The following PID1 variants were observed in gnomAD, a reference collection of about 807,000 sequenced individuals.
PID1 encodes the protein phosphotyrosine interaction domain containing 1.
PID1 carries 10 observed loss-of-function variants against 19.1 expected under a neutral mutation model. The ratio of observed to expected loss-of-function variants is 0.52; its 90% confidence interval spans 0.32 to 0.89. PID1 has a LOEUF of 0.89. Among genes scored for constraint, PID1 ranks in the 40% least tolerant of loss-of-function variants. PID1 has a pLI of 0.03. For missense variants in PID1, 248 were observed against 285.3 expected, an observed-to-expected ratio of 0.87 and a Z score of 0.94; for synonymous variants, 130 against 116.0, an observed-to-expected ratio of 1.12 and a Z score of -0.78.
intron 2 of PID1, among the ~76,000 whole-genome samples, chr2:229,052,921 C>G (rs753176607): frequency 5.9e-5 from 9 of 152,176 alleles, no homozygotes; most frequent in Non-Finnish European, 1.3e-4. Context: ...AGCTCCAACA[C>G]TAAAACAAAG....
At chr2:229,157,018 G>C (rs1285135027) in intron 1 of PID1, among the ~76,000 whole-genome samples, 1 of 152,108 alleles carries the variant, frequency 6.6e-6, no homozygotes, top group Non-Finnish European at 1.5e-5. Flanking sequence ...CACCTCATGA[G>C]ACAGCCCTTC....
At chr2:229,040,905 T>C (rs1191089796) in intron 2 of PID1, among the ~76,000 whole-genome samples, 4 of 152,184 alleles carry the variant, frequency 2.6e-5, no homozygotes, top group African/African-American at 9.6e-5. Flanking sequence ...TGTTTCTCAT[T>C]GTTAAAGAGA....
chr2:229,183,865 A>ACT (rs1282466290), intron 1 of PID1, among the ~76,000 whole-genome samples: 1 of 5,814 alleles, frequency 1.7e-4, no homozygotes, highest in African/African-American at 3.5e-4. Flanking sequence ...CTCTCTCCTC[A>ACT]CTCTCTCTCT....
At chr2:229,071,424 C>T (rs1309064006) in intron 2 of PID1, among the ~76,000 whole-genome samples, 1 of 152,156 alleles carries the variant, frequency 6.6e-6, no homozygotes, top group Non-Finnish European at 1.5e-5. Context: ...TGAGCACATG[C>T]TAAGCGCCAA....
chr2:229,223,363 T>C (rs1692013104), intron 1 of PID1, among the ~76,000 whole-genome samples: 1 of 152,252 alleles, frequency 6.6e-6, no homozygotes, highest in Admixed American at 6.5e-5. Flanking sequence ...TATTCTAATG[T>C]TTATTCATAT....
chr2:229,042,240 G>A (rs1375494052), intron 2 of PID1, among the ~76,000 whole-genome samples: 4 of 151,978 alleles, frequency 2.6e-5, no homozygotes, highest in Admixed American at 1.3e-4. Context: ...ATATTGGGGG[G>A]AAATGGGAAA....
intron 2 of PID1, among the ~76,000 whole-genome samples, chr2:229,054,489 G>A (rs913917370): frequency 2.6e-5 from 4 of 152,122 alleles, no homozygotes; most frequent in African/African-American, 9.7e-5. Context: ...GTTGAAAGCA[G>A]TGTTTATACA....
intron 1 of PID1, among the ~76,000 whole-genome samples, chr2:229,250,405 C>T (rs1409332428): frequency 1.3e-5 from 2 of 152,090 alleles, no homozygotes; most frequent in East Asian, 1.9e-4. Flanking sequence ...CATATCAGAC[C>T]CAGTATCAAC....
intron 2 of PID1, among the ~76,000 whole-genome samples, chr2:229,106,772 T>C (rs929149133): frequency 2.0e-5 from 3 of 152,202 alleles, no homozygotes; most frequent in Admixed American, 6.5e-5. Flanking sequence ...TATTTTGTTA[T>C]AGGAGCTCAA....
At chr2:229,040,563 G>A (rs1160524042) in intron 2 of PID1, among the ~76,000 whole-genome samples, 1 of 152,152 alleles carries the variant, frequency 6.6e-6, no homozygotes, top group Non-Finnish European at 1.5e-5. Context: ...GTTGTGACTT[G>A]CAGAATCATG....
At chr2:229,058,748 G>C (rs947521594) in intron 2 of PID1, among the ~76,000 whole-genome samples, 1 of 145,050 alleles carries the variant, frequency 6.9e-6, no homozygotes, top group Non-Finnish European at 1.5e-5. Flanking sequence ...AAAAAAGTGA[G>C]TTCCATGAGG....
intron 1 of PID1, among the ~76,000 whole-genome samples, chr2:229,265,734 A>C (rs2106295330): frequency 6.6e-6 from 1 of 152,338 alleles, no homozygotes; most frequent in Non-Finnish European, 1.5e-5. Flanking sequence ...ACCTTGTAGA[A>C]GGCAGCCTGA....
chr2:229,230,727 A>G (rs1692187780), intron 1 of PID1, among the ~76,000 whole-genome samples: 1 of 152,198 alleles, frequency 6.6e-6, no homozygotes, highest in African/African-American at 2.4e-5. Context: ...TTTACATATC[A>G]AATCACAGTC....
rs528032680 is a variant in PID1 at position 229,241,456 on chromosome 2, A to G, written c.30+29558T>C. On this transcript the variant is annotated intron_variant, in intron 1 of 2. Coordinates refer to ENST00000392055, the MANE Select transcript of PID1 (RefSeq NM_001100818.2). The stretch of plus-strand genomic sequence containing the variant: ...TCAGTCCAACAGAAAAATTTATTTT[A>G]CCCAGAAAAGCCTATAAAACACTAT... Among the ~76,000 whole-genome samples the G allele has an allele frequency of 3.3e-5, 5 of 152,262 alleles. No individual in the cohort carries two copies. In the East Asian group the frequency reaches 9.7e-4, roughly 29 times the overall value.
At chr2:229,076,271 T>A (rs1286718490) in intron 2 of PID1, among the ~76,000 whole-genome samples, 1 of 152,146 alleles carries the variant, frequency 6.6e-6, no homozygotes, top group South Asian at 2.1e-4. Flanking sequence ...TATTCCAGAA[T>A]CCTCTGAATC....
In PID1 at chr2:229,025,767, G is replaced by C; in HGVS notation, c.519C>G (p.Leu173=). 1 of 1,614,218 alleles carries C rather than the reference G, an allele frequency of 6.2e-7. No homozygotes were observed. Among genetic ancestry groups the C allele is most frequent in the Non-Finnish European group, 8.5e-7 (1 of 1,180,030 alleles). ...DCHAVECESK[L]EAKKLAHAMM... ...TGGCGTGGGCCAGTTTCTTGGCCTC[G>C]AGCTTGCTCTCGCACTCCACGGCGT... is the stretch of plus-strand genomic sequence containing the variant. The change falls in exon 3 of 3, where the codon CTC becomes CTG. Residue 173 remains leucine (L), a synonymous_variant. Transcript: ENST00000392055.
At chr2:229,083,495 G>C (rs1694707142) in intron 2 of PID1, among the ~76,000 whole-genome samples, 1 of 152,154 alleles carries the variant, frequency 6.6e-6, no homozygotes, top group Non-Finnish European at 1.5e-5. Context: ...ATAAACACTA[G>C]TATGACACTA....
intron 1 of PID1, among the ~76,000 whole-genome samples, chr2:229,175,149 G>C (rs1002607267): frequency 4.6e-5 from 7 of 152,038 alleles, no homozygotes; most frequent in African/African-American, 1.4e-4. Context: ...TTTACAAACA[G>C]AAAAAAAGTT....
chr2:229,125,035 T>C (rs1299575861), intron 2 of PID1, among the ~76,000 whole-genome samples: 1 of 152,232 alleles, frequency 6.6e-6, no homozygotes, highest in African/African-American at 2.4e-5. Flanking sequence ...TATGACTATT[T>C]ACCAATATCG....
Sources: gnomAD v4.1 joint callset for allele counts (sites outside exome capture counted in the v4.1 genomes callset) on GRCh38, gnomAD v4.1.1 for gene constraint, MANE v1.5 for transcripts, NCBI Gene and HGNC (gene_info 2026-07-23, HGNC 2026-07-21) for gene names.